Variants in VWA3B observed in about 807,000 individuals in gnomAD.
VWA3B encodes the protein von Willebrand factor A domain containing 3B, also known as von Willebrand factor A domain-containing protein 3B.
VWA3B carries 138 observed loss-of-function variants against 158.3 expected under a neutral mutation model. The observed-to-expected ratio is 0.87, with a 90% CI of 0.76 to 1.00. VWA3B has a LOEUF of 1.00. VWA3B is among the 50% of genes least tolerant of loss of function. The probability of loss-of-function intolerance (pLI) is 0.00; values close to 1 mark genes in which losing one functional copy is unlikely to be tolerated. For missense variants in VWA3B, 1,555 were observed against 1,565.1 expected (o/e 0.99, Z 0.11); for synonymous variants, 596 against 587.3 (o/e 1.01, Z -0.21).
rs1210980668 is a variant in VWA3B, at chr2:98,236,626, A to G, written c.2569A>G (p.Lys857Glu). Residue 857 changes from lysine (K) to glutamate (E), a missense_variant, in exon 19 of 28, where the codon AAG (lysine) becomes GAG (glutamate). Coordinates refer to ENST00000477737, the MANE Select transcript of VWA3B (RefSeq NM_144992.5). ...GCTGAAGACCTATGGCTTGGTCGCC[A>G]AGAAACTCACCCTCATGGATGCCTT... ...NWLKTYGLVAKKLTLMDALSV... is the reference protein window; with the variant it reads ...NWLKTYGLVAEKLTLMDALSV... The G allele has an allele frequency of 1.2e-6, 2 of 1,614,238 alleles. No homozygotes were observed. The highest frequency in any genetic ancestry group is 1.6e-4 in the Middle Eastern group (1 of 6,062).
chr2:98,193,074 G>A, intron 11 of VWA3B, 38 bp downstream of exon 11: 1 of 1,581,214 alleles, frequency 6.3e-7, no homozygotes, highest in Non-Finnish European at 8.6e-7. Context: ...TTGGGGCTTT[G>A]TGTATCAGAT....
At chr2:98,249,976 A>G (rs1686690740) in intron 19 of VWA3B, among the ~76,000 whole-genome samples, 1 of 152,140 alleles carries the variant, frequency 6.6e-6, no homozygotes, top group Non-Finnish European at 1.5e-5. Flanking sequence ...CTTATTGCCC[A>G]CTCTTACCAA....
rs1302034902 is a variant in VWA3B, at chr2:98,255,180, A to ATTTTTTTTTTTTTTT, written c.2793-943_2793-942insTTTTTTTTTTTTTTT. Among the ~76,000 whole-genome samples, 14 of 65,930 alleles carry ATTTTTTTTTTTTTTT rather than the reference A, an allele frequency of 2.1e-4. 2 individuals carry two copies. The highest frequency in any genetic ancestry group is 9.2e-4 in the African/African-American group (14 of 15,278). 43.3% of individuals were successfully genotyped at this position (65,930 alleles called of 152,430 possible). ...AGTCGCCCGCCACCACGCCCGGCTG[A>ATTTTTTTTTTTTTTT]TATTTTTTTTTTTTTTTTTTTTTTT... is the stretch of plus-strand genomic sequence containing the variant. On this transcript the variant is annotated intron_variant, in intron 20 of 27. Coordinates refer to ENST00000477737, the MANE Select transcript of VWA3B (RefSeq NM_144992.5).
At chr2:98,103,914 T>A (rs546671324) in intron 2 of VWA3B, among the ~76,000 whole-genome samples, 3 of 152,184 alleles carry the variant, frequency 2.0e-5, no homozygotes, top group Non-Finnish European at 4.4e-5. Flanking sequence ...ACATTTAGGA[T>A]TGTTATGTTT....
intron 22 of VWA3B, among the ~76,000 whole-genome samples, chr2:98,287,030 C>T (rs980232222): frequency 6.6e-6 from 1 of 152,154 alleles, no homozygotes; most frequent in Non-Finnish European, 1.5e-5. Context: ...GATTTAGCCT[C>T]CTTTAGAGTT....
At chr2:98,087,795 A>G (rs2104781326) in intron 1 of VWA3B, among the ~76,000 whole-genome samples, 1 of 152,370 alleles carries the variant, frequency 6.6e-6, no homozygotes, top group South Asian at 2.1e-4. Flanking sequence ...AGCAACACTT[A>G]CATGGTTTCA....
chr2:98,103,527 C>G (rs1315860181), intron 2 of VWA3B, among the ~76,000 whole-genome samples: 2 of 151,438 alleles, frequency 1.3e-5, no homozygotes, highest in Non-Finnish European at 2.9e-5. Context: ...GATTTTTTTT[C>G]TTGAATACAC....
chr2:98,258,480 A>G (rs930307904), intron 21 of VWA3B, among the ~76,000 whole-genome samples: 2 of 151,940 alleles, frequency 1.3e-5, no homozygotes, highest in African/African-American at 4.8e-5. Flanking sequence ...TTTCCAATCA[A>G]TGAACATAGA....
chr2:98,226,859 A>G (rs1472683197), intron 14 of VWA3B, among the ~76,000 whole-genome samples: 1 of 152,220 alleles, frequency 6.6e-6, no homozygotes, highest in Non-Finnish European at 1.5e-5. Context: ...TTCAGGTTAA[A>G]AACTCTCCAT....
At position 98,198,155 on chromosome 2, in the gene VWA3B, T is replaced by G. The variant is rs142740364; in HGVS notation, c.1737+3663T>G. 1.5e-3 allele frequency among the ~76,000 whole-genome samples: 232 copies of G among 152,314 alleles called. 4 individuals are homozygous for G. In the East Asian group the frequency reaches 0.039, roughly 26 times the overall value. ...AATCATGCGTTCATACTGATACCTCTAATTCCAACACAGAGCCCAGGGTTC... is the reference window on the plus strand; with the variant it reads ...AATCATGCGTTCATACTGATACCTCGAATTCCAACACAGAGCCCAGGGTTC... On this transcript the variant is annotated intron_variant, in intron 12 of 27. Transcript: ENST00000477737.
intron 22 of VWA3B, among the ~76,000 whole-genome samples, chr2:98,276,610 TTTGGA>T (rs1326554155): frequency 2.0e-5 from 3 of 151,914 alleles, no homozygotes; most frequent in African/African-American, 7.3e-5. Context: ...GGCCACTGCG[TTTGGA>T]GTGGGCTGCC....
rs1313273665 is a variant in VWA3B at position 98,303,812 on chromosome 2, C to T, written c.3521+10C>T. Reference sequence around the variant, plus strand: ...CTGAGGATCCAGAAGTGTAAGTGTACTCAACTTTTATCTCTTGAATATTAA... The same window carrying T: ...CTGAGGATCCAGAAGTGTAAGTGTATTCAACTTTTATCTCTTGAATATTAA... On this transcript the variant is annotated intron_variant, in intron 26 of 27. Coordinates refer to ENST00000477737, the MANE Select transcript of VWA3B (RefSeq NM_144992.5). 5.6e-6 allele frequency: 9 copies of T among 1,612,074 alleles called. No homozygotes were observed. Among genetic ancestry groups the T allele is most frequent in the South Asian group, 3.3e-5 (3 of 91,016 alleles).
chr2:98,300,358 C>T, intron 25 of VWA3B, 142 bp downstream of exon 25: 4 of 1,209,054 alleles, frequency 3.3e-6, no homozygotes, highest in Admixed American at 2.4e-5. Context: ...GGCTTCTGCC[C>T]ACCGTGCCAC....
chr2:98,177,604 G>A (rs1046678087), intron 8 of VWA3B, among the ~76,000 whole-genome samples: 6 of 151,582 alleles, frequency 4.0e-5, no homozygotes, highest in Admixed American at 3.3e-4. Flanking sequence ...GAGTGCCTGG[G>A]TTCTTTGGTT....
intron 21 of VWA3B, among the ~76,000 whole-genome samples, chr2:98,258,013 AT>A (rs1473934102): frequency 3.3e-5 from 5 of 151,784 alleles, no homozygotes; most frequent in Non-Finnish European, 5.9e-5. Flanking sequence ...CTTTTGATCC[AT>A]TTTTGAGGGA....
intron 4 of VWA3B, among the ~76,000 whole-genome samples, chr2:98,120,097 A>G (rs1449725036): frequency 6.6e-6 from 1 of 152,206 alleles, no homozygotes; most frequent in East Asian, 1.9e-4. Context: ...TTAGCTTTTA[A>G]CTTGGGTAAT....
intron 6 of VWA3B, among the ~76,000 whole-genome samples, chr2:98,130,334 A>G (rs530656197): frequency 2.7e-4 from 41 of 152,244 alleles, no homozygotes; most frequent in African/African-American, 7.0e-4. Context: ...AGGGACAAGC[A>G]GGAGACAGAA....
At chr2:98,253,610 G>A (rs186313975) in intron 20 of VWA3B, among the ~76,000 whole-genome samples, 1 of 152,210 alleles carries the variant, frequency 6.6e-6, no homozygotes, top group Non-Finnish European at 1.5e-5. Flanking sequence ...CCTGGCTTGG[G>A]GACCATGCTT....
chr2:98,114,954 T>C (rs527923718), intron 2 of VWA3B, among the ~76,000 whole-genome samples: 1 of 152,220 alleles, frequency 6.6e-6, no homozygotes, highest in Non-Finnish European at 1.5e-5. Context: ...TCTGACATTC[T>C]GTATGGCAAT....
Sources: gnomAD v4.1 joint callset for allele counts (sites outside exome capture counted in the v4.1 genomes callset) on GRCh38, gnomAD v4.1.1 for gene constraint, MANE v1.5 for transcripts, NCBI Gene and HGNC (gene_info 2026-07-23, HGNC 2026-07-21) for gene names.